Variants in XIRP2 observed in about 807,000 individuals in gnomAD.
The protein encoded by XIRP2 is xin actin-binding repeat-containing protein 2.
XIRP2 carries 236 observed loss-of-function variants against 277.0 expected under a neutral mutation model. The ratio of observed to expected loss-of-function variants is 0.85; its 90% CI spans 0.77 to 0.95. The LOEUF is 0.95. XIRP2 is among the 40% of genes least tolerant of loss of function. The probability of loss-of-function intolerance (pLI) is 0.00; values close to 1 mark genes in which losing one functional copy is unlikely to be tolerated. For missense variants in XIRP2, 4,640 were observed against 4,157.5 expected, an observed-to-expected ratio of 1.12 and a Z score of -3.19; for synonymous variants, 1,490 against 1,416.5, an observed-to-expected ratio of 1.05 and a Z score of -1.17.
At position 167,017,045 on chromosome 2, in the gene XIRP2, A is replaced by G. The variant is rs1409471794; in HGVS notation, c.408+113155A>G. Among the ~76,000 whole-genome samples, 3 of 151,890 alleles carry G rather than the reference A, an allele frequency of 2.0e-5. No homozygotes were observed. In the East Asian group the frequency reaches 5.8e-4, roughly 30 times the overall value. On this transcript the variant is annotated intron_variant, in intron 2 of 10. Transcript: ENST00000409195. The stretch of plus-strand genomic sequence containing the variant: ...ACTCTTCACAGTGGGAGATCTGAGC[A>G]TGCACTCTCACAGCTGCCATAGTTC...
At chr2:167,131,968 T>A (rs1422435980) in intron 2 of XIRP2, among the ~76,000 whole-genome samples, 1 of 151,938 alleles carries the variant, frequency 6.6e-6, no homozygotes. Flanking sequence ...TAGAGAAAAA[T>A]TAAATTCTCT....
At position 167,082,515 on chromosome 2, in the gene XIRP2, C is replaced by T. The variant is rs918596223; in HGVS notation, c.409-53394C>T. ...TTCTAGTTCTAGATCCCTGAGGAAT[C>T]GCCACACTGACTTCCACAATGGTTG... On this transcript the variant is annotated intron_variant, in intron 2 of 10. Coordinates refer to ENST00000409195, the MANE Select transcript of XIRP2 (RefSeq NM_152381.6). Among the ~76,000 whole-genome samples the T allele has an allele frequency of 3.9e-5, 6 of 152,048 alleles. No homozygotes were observed. The East Asian group carries it at 5.8e-4, about 15-fold the overall frequency.
intron 2 of XIRP2, among the ~76,000 whole-genome samples, chr2:166,944,052 G>T (rs1685790468): frequency 6.6e-6 from 1 of 152,162 alleles, no homozygotes. Flanking sequence ...CCTCTGAATT[G>T]TTTCCCAACA....
At chr2:167,047,668 A>G (rs1292950326) in intron 2 of XIRP2, among the ~76,000 whole-genome samples, 2 of 151,992 alleles carry the variant, frequency 1.3e-5, no homozygotes, top group African/African-American at 4.8e-5. Flanking sequence ...CAGGGCTGAC[A>G]GTAGCAATTT....
At chr2:167,004,578 G>T (rs1687457094) in intron 2 of XIRP2, among the ~76,000 whole-genome samples, 1 of 151,812 alleles carries the variant, frequency 6.6e-6, no homozygotes, top group Non-Finnish European at 1.5e-5. Context: ...GCAACGTAAG[G>T]CCTCTGAACT....
chr2:167,020,094 C>A (rs1194807583), intron 2 of XIRP2, among the ~76,000 whole-genome samples: 1 of 151,948 alleles, frequency 6.6e-6, no homozygotes, highest in African/African-American at 2.4e-5. Flanking sequence ...TTGTTTCAAT[C>A]TAAATTAGAA....
chr2:166,930,426 A>G (rs1181808366), intron 2 of XIRP2, among the ~76,000 whole-genome samples: 1 of 152,136 alleles, frequency 6.6e-6, no homozygotes, highest in Admixed American at 6.5e-5. Context: ...TATATCTACT[A>G]GTGAGAATGG....
intron 2 of XIRP2, among the ~76,000 whole-genome samples, chr2:167,007,693 T>TCACACACA (rs1413612446): frequency 3.4e-5 from 4 of 118,284 alleles, no homozygotes; most frequent in African/African-American, 1.5e-4. Flanking sequence ...TCTCTCTCTC[T>TCACACACA]CTCTCTCTCT....
At chr2:166,967,303 A>T (rs951082857) in intron 2 of XIRP2, among the ~76,000 whole-genome samples, 1 of 151,928 alleles carries the variant, frequency 6.6e-6, no homozygotes, top group African/African-American at 2.4e-5. Context: ...CTTTCAAGAG[A>T]TTTGAAGTCT....
At position 167,242,882 on chromosome 2, in the gene XIRP2, A is replaced by G. The variant is rs761762033; in HGVS notation, c.1490A>G (p.Glu497Gly). 2 of 1,614,172 alleles carry G rather than the reference A, an allele frequency of 1.2e-6. No homozygotes were observed. Among genetic ancestry groups the G allele is most frequent in the South Asian group, 2.2e-5 (2 of 91,084 alleles). Residue 497 changes from glutamate (E) to glycine (G), a missense_variant, in exon 9 of 11, where the codon GAA (glutamate) becomes GGA (glycine). Glu to Gly is a moderately conservative substitution (Grantham distance 98). Coordinates refer to ENST00000409195, the MANE Select transcript of XIRP2 (RefSeq NM_152381.6). ...DVYSKQRNLY[E>G]LNRLYKHIHP... ...TATTCCAAGCAAAGAAATTTGTATGAATTAAACCGTTTATATAAACACATC... is the reference window on the plus strand; with the variant it reads ...TATTCCAAGCAAAGAAATTTGTATGGATTAAACCGTTTATATAAACACATC...
intron 1 of XIRP2, among the ~76,000 whole-genome samples, chr2:166,899,489 C>T (rs1179007336): frequency 6.6e-6 from 1 of 152,100 alleles, no homozygotes; most frequent in Non-Finnish European, 1.5e-5. Flanking sequence ...TTTCAAGATT[C>T]CTTCTTTCAT....
At chr2:166,934,585 G>A (rs1476254905) in intron 2 of XIRP2, among the ~76,000 whole-genome samples, 1 of 152,182 alleles carries the variant, frequency 6.6e-6, no homozygotes, top group African/African-American at 2.4e-5. Context: ...TGCTAATTTT[G>A]TGGCAATTTG....
chr2:166,937,091 T>C (rs910188314), intron 2 of XIRP2, among the ~76,000 whole-genome samples: 3 of 151,754 alleles, frequency 2.0e-5, no homozygotes, highest in Admixed American at 6.6e-5. Flanking sequence ...TATTTCTTTC[T>C]CCTGCCTGAT....
At chr2:167,034,236 G>T (rs1033422832) in intron 2 of XIRP2, among the ~76,000 whole-genome samples, 3 of 151,758 alleles carry the variant, frequency 2.0e-5, no homozygotes, top group Non-Finnish European at 2.9e-5. Context: ...TTTAAAAATG[G>T]GTTATAAGAT....
chr2:167,164,445 C>CAAAAAAAAAA (rs36066566), intron 3 of XIRP2, among the ~76,000 whole-genome samples: 1 of 46,642 alleles, frequency 2.1e-5, no homozygotes, highest in Non-Finnish European at 4.2e-5. Flanking sequence ...GACTCCGTCT[C>CAAAAAAAAAA]AAAAAAAAAA....
chr2:167,020,447 T>A (rs1490992482), intron 2 of XIRP2, among the ~76,000 whole-genome samples: 1 of 151,992 alleles, frequency 6.6e-6, no homozygotes, highest in Admixed American at 6.6e-5. Flanking sequence ...AAAATGAACT[T>A]ATGTAGTATA....
At chr2:167,164,923 A>G (rs1218211866) in intron 3 of XIRP2, among the ~76,000 whole-genome samples, 3 of 152,148 alleles carry the variant, frequency 2.0e-5, no homozygotes, top group Non-Finnish European at 4.4e-5. Flanking sequence ...ATGTGTTTGG[A>G]CAAACATAAA....
intron 6 of XIRP2, among the ~76,000 whole-genome samples, chr2:167,240,347 G>A (rs528758698): frequency 9.2e-5 from 14 of 152,182 alleles, no homozygotes; most frequent in African/African-American, 3.4e-4. Flanking sequence ...CCCGGGAGGC[G>A]GAGGTTGCAG....
At chr2:166,927,488 C>T (rs1016999089) in intron 2 of XIRP2, among the ~76,000 whole-genome samples, 8 of 152,046 alleles carry the variant, frequency 5.3e-5, no homozygotes, top group African/African-American at 1.9e-4. Flanking sequence ...GTTTGCCAAC[C>T]TTTAGAGGCC....
Sources: gnomAD v4.1 joint callset for allele counts (sites outside exome capture counted in the v4.1 genomes callset) on GRCh38, gnomAD v4.1.1 for gene constraint, MANE v1.5 for transcripts, NCBI Gene and HGNC (gene_info 2026-07-23, HGNC 2026-07-21) for gene names.